MDGA2: variants seen among roughly 807,000 people sequenced by gnomAD.
MDGA2 encodes the protein MAM domain containing glycosylphosphatidylinositol anchor 2.
In MDGA2, 40 loss-of-function variants were observed where a neutral mutation model predicts 117.8. The ratio of observed to expected loss-of-function variants is 0.34; its 90% CI spans 0.26 to 0.44. The LOEUF (loss-of-function observed/expected upper bound fraction) is 0.44, where lower values mean the gene tolerates loss of function less well. Among genes scored for constraint, MDGA2 ranks in the 20% least tolerant of loss-of-function variants. The pLI is 1.00. For synonymous variants in MDGA2, 452 were observed against 439.0 expected (o/e 1.03, Z -0.37); for missense variants, 1,123 against 1,250.6 (o/e 0.90, Z 1.54).
chr14:46,962,952 T>A (rs1464400671), intron 8 of MDGA2, among the ~76,000 whole-genome samples: 1 of 152,194 alleles, frequency 6.6e-6, no homozygotes, highest in Admixed American at 6.5e-5. Context: ...AGGAGCTGCA[T>A]GTTTTAGAGA....
At chr14:47,550,889 C>A (rs1895568059) in intron 1 of MDGA2, among the ~76,000 whole-genome samples, 2 of 152,104 alleles carry the variant, frequency 1.3e-5, no homozygotes. Flanking sequence ...ATTTAAAGAG[C>A]AGAGGTTGGC....
At chr14:47,469,011 T>C (rs1207760413) in intron 1 of MDGA2, among the ~76,000 whole-genome samples, 2 of 152,156 alleles carry the variant, frequency 1.3e-5, no homozygotes, top group South Asian at 4.1e-4. Context: ...GATTGCTATA[T>C]GCATGATATA....
At chr14:47,044,305 A>T (rs977277604) in intron 7 of MDGA2, among the ~76,000 whole-genome samples, 1 of 152,180 alleles carries the variant, frequency 6.6e-6, no homozygotes, top group African/African-American at 2.4e-5. Context: ...TAGTACATCT[A>T]CTAGACTTTG....
intron 1 of MDGA2, among the ~76,000 whole-genome samples, chr14:47,671,348 T>C (rs150644941): frequency 1.1e-3 from 167 of 152,278 alleles, no homozygotes; most frequent in African/African-American, 3.9e-3. Flanking sequence ...CTTGAGACAA[T>C]ATAATCCATG....
intron 1 of MDGA2, among the ~76,000 whole-genome samples, chr14:47,536,925 G>T (rs191534562): frequency 6.6e-6 from 1 of 152,230 alleles, no homozygotes; most frequent in East Asian, 1.9e-4. Context: ...GTATGACCTT[G>T]CCTTAAAGTT....
chr14:47,281,182 A>AG (rs981650993), intron 2 of MDGA2, among the ~76,000 whole-genome samples: 1 of 150,868 alleles, frequency 6.6e-6, no homozygotes, highest in East Asian at 1.9e-4. Context: ...TTGTCTCAAA[A>AG]TATCTTTTTA....
chr14:47,013,004 G>C (rs1432476607), intron 8 of MDGA2, among the ~76,000 whole-genome samples: 1 of 152,172 alleles, frequency 6.6e-6, no homozygotes, highest in Non-Finnish European at 1.5e-5. Context: ...TTGCTGAAGT[G>C]TCTTGCCTTG....
chr14:47,122,452 A>G (rs1594645032), intron 5 of MDGA2, among the ~76,000 whole-genome samples: 1 of 152,238 alleles, frequency 6.6e-6, no homozygotes, highest in Non-Finnish European at 1.5e-5. Flanking sequence ...TGGGACTTCC[A>G]GTGAGTCCAA....
chr14:47,158,113 A>T (rs1455617253), intron 3 of MDGA2, among the ~76,000 whole-genome samples: 1 of 152,182 alleles, frequency 6.6e-6, no homozygotes, highest in East Asian at 1.9e-4. Context: ...TCCACAAAGT[A>T]TAATACCACA....
At chr14:47,247,872 C>T (rs943176986) in intron 2 of MDGA2, among the ~76,000 whole-genome samples, 1 of 151,366 alleles carries the variant, frequency 6.6e-6, no homozygotes, top group Non-Finnish European at 1.5e-5. Flanking sequence ...CCAACTCTCA[C>T]TCATGAGTGA....
intron 1 of MDGA2, among the ~76,000 whole-genome samples, chr14:47,372,940 G>T (rs1315462910): frequency 6.6e-6 from 1 of 151,782 alleles, no homozygotes; most frequent in Non-Finnish European, 1.5e-5. Flanking sequence ...AAAACTCATG[G>T]TATGTTTTTA....
chr14:47,491,088 C>T (rs960308596), intron 1 of MDGA2, among the ~76,000 whole-genome samples: 1 of 152,014 alleles, frequency 6.6e-6, no homozygotes, highest in Non-Finnish European at 1.5e-5. Context: ...ATGCCAAGGA[C>T]AAATGGATTT....
At chr14:47,231,093 A>C (rs974236782) in intron 2 of MDGA2, among the ~76,000 whole-genome samples, 3 of 152,016 alleles carry the variant, frequency 2.0e-5, no homozygotes, top group African/African-American at 7.2e-5. Context: ...TGTAGTCTTC[A>C]ATTTGCAGAT....
chr14:47,028,300 A>C (rs1000924389), intron 8 of MDGA2, among the ~76,000 whole-genome samples: 1 of 152,096 alleles, frequency 6.6e-6, no homozygotes, highest in African/African-American at 2.4e-5. Context: ...TTTGAGTATA[A>C]ATTTATATTA....
chr14:47,513,379 G>A (rs1405760674), intron 1 of MDGA2, among the ~76,000 whole-genome samples: 1 of 151,968 alleles, frequency 6.6e-6, no homozygotes, highest in Non-Finnish European at 1.5e-5. Flanking sequence ...ATATACATGG[G>A]ACAATTTAAT....
In MDGA2 at chr14:47,611,007, T is replaced by C. The variant is rs150618012; in HGVS notation, c.280+63510A>G. On this transcript the variant is annotated intron_variant, in intron 1 of 16. Transcript: ENST00000399232. Reference sequence around the variant, plus strand: ...AAACAGCATGGTACTGGTATAAAAATAGGCACATAGGCCAATGGAACAGAA... The same window carrying C: ...AAACAGCATGGTACTGGTATAAAAACAGGCACATAGGCCAATGGAACAGAA... Among the ~76,000 whole-genome samples the C allele has an allele frequency of 9.9e-3, 1,497 of 151,912 alleles. 36 individuals carry two copies. The highest frequency in any genetic ancestry group is 0.034 in the African/African-American group (1,424 of 41,454).
intron 10 of MDGA2, among the ~76,000 whole-genome samples, chr14:46,909,852 G>C (rs1883632473): frequency 6.6e-6 from 1 of 151,988 alleles, no homozygotes; most frequent in South Asian, 2.1e-4. Flanking sequence ...CTAAGATATG[G>C]AACTCTAAAG....
intron 1 of MDGA2, among the ~76,000 whole-genome samples, chr14:47,564,502 A>G (rs1199165081): frequency 2.0e-5 from 3 of 152,160 alleles, no homozygotes; most frequent in Non-Finnish European, 2.9e-5. Context: ...AAAACCCTCA[A>G]ATCTCAGGAG....
intron 5 of MDGA2, among the ~76,000 whole-genome samples, chr14:47,107,296 G>A (rs2139036366): frequency 1.3e-5 from 2 of 152,016 alleles, no homozygotes; most frequent in Middle Eastern, 6.8e-3. Flanking sequence ...CCTAAAACCA[G>A]ACAAGTCTTA....
Sources: allele counts gnomAD v4.1 joint callset (sites outside exome capture counted in the v4.1 genomes callset), GRCh38; gene constraint gnomAD v4.1.1; transcripts MANE v1.5; gene names NCBI Gene and HGNC (gene_info 2026-07-23, HGNC 2026-07-21).